Variants in PCDH7 observed in about 807,000 individuals in gnomAD.
PCDH7 encodes the protein protocadherin 7.
A neutral mutation model predicts 58.9 loss-of-function variants in PCDH7; 17 were observed. The ratio of observed to expected loss-of-function variants is 0.29; its 90% CI spans 0.20 to 0.43. The LOEUF (loss-of-function observed/expected upper bound fraction) is 0.43, where lower values mean the gene tolerates loss of function less well. Among genes scored for constraint, PCDH7 ranks in the 20% least tolerant of loss-of-function variants. The probability of loss-of-function intolerance (pLI) is 1.00; values close to 1 mark genes in which losing one functional copy is unlikely to be tolerated. For missense variants in PCDH7, 1,274 were observed against 1,441.0 expected, an observed-to-expected ratio of 0.88 and a Z score of 1.88; for synonymous variants, 664 against 616.4, an observed-to-expected ratio of 1.08 and a Z score of -1.14.
intron 3 of PCDH7, among the ~76,000 whole-genome samples, chr4:31,035,021 T>A (rs949898404): frequency 5.3e-5 from 8 of 152,152 alleles, no homozygotes; most frequent in Admixed American, 3.3e-4. Flanking sequence ...GAATAGAGAA[T>A]CAACAGCTTT....
chr4:30,742,283 A>G lies in PCDH7; in HGVS notation c.70+17687A>G, dbSNP rs372547508. Among the ~76,000 whole-genome samples the G allele has an allele frequency of 7.9e-5, 12 of 152,288 alleles. 1 individual carries two copies. In the East Asian group the frequency reaches 1.5e-3, roughly 20 times the overall value. The stretch of plus-strand genomic sequence containing the variant: ...GCTTAGCCAGACAAATAGTTTAATG[A>G]AGAATTTATGCTTACCATTTCAAAT... On this transcript the variant is annotated intron_variant, in intron 1 of 3. Transcript: ENST00000509759.
intron 3 of PCDH7, among the ~76,000 whole-genome samples, chr4:31,019,348 T>G (rs1753847652): frequency 1.3e-5 from 2 of 152,160 alleles, no homozygotes; most frequent in African/African-American, 4.8e-5. Flanking sequence ...AAATGTTGAT[T>G]AAATTTTACC....
chr4:31,028,212 G>A (rs552708556), intron 3 of PCDH7, among the ~76,000 whole-genome samples: 227 of 152,262 alleles, frequency 1.5e-3, no homozygotes, highest in Admixed American at 1.3e-3. Flanking sequence ...ATGATATGCA[G>A]TGTTATACAC....
chr4:30,757,086 G>A (rs571585283), intron 1 of PCDH7, among the ~76,000 whole-genome samples: 17 of 152,200 alleles, frequency 1.1e-4, no homozygotes, highest in African/African-American at 3.6e-4. Context: ...CTTCCATTGA[G>A]TTACACTCCT....
Position 30,723,759 on chromosome 4 carries a change from G to A in PCDH7, c.2337G>A (p.Leu779=), listed in dbSNP as rs756362709. ...GTGATGATGGCATCAATGCAGACCT[G>A]AACTACAGCATTGTGGGAGGAAATC... is the stretch of plus-strand genomic sequence containing the variant. Residue 779 remains leucine (L), a synonymous_variant, in exon 1 of 2, where the codon CTG becomes CTA. Transcript: ENST00000361762. This position sits in a 1 kb window ranked among gnomAD's most constrained non-coding sequence, Gnocchi z 4.6. 4 of 1,614,136 alleles carry A rather than the reference G, an allele frequency of 2.5e-6. No homozygotes were observed. Among genetic ancestry groups the A allele is most frequent in the Admixed American group, 1.7e-5 (1 of 60,014 alleles).
At chr4:30,886,276 G>GA (rs1273308544) in intron 1 of PCDH7, among the ~76,000 whole-genome samples, 6 of 148,476 alleles carry the variant, frequency 4.0e-5, no homozygotes, top group African/African-American at 1.2e-4. Flanking sequence ...AAATTTACAA[G>GA]AAAAAAACAA....
intron 3 of PCDH7, among the ~76,000 whole-genome samples, chr4:31,012,638 A>C (rs543450071): frequency 6.6e-6 from 1 of 150,766 alleles, no homozygotes; most frequent in African/African-American, 2.4e-5. Context: ...CTTGCCAGAA[A>C]AGTTATTTCT....
At chr4:30,852,681 A>G (rs1732911518) in intron 1 of PCDH7, among the ~76,000 whole-genome samples, 1 of 151,930 alleles carries the variant, frequency 6.6e-6, no homozygotes, top group Non-Finnish European at 1.5e-5. Flanking sequence ...TTATTTAATA[A>G]TATTGTGCCC....
chr4:30,802,725 T>TGTGGTTGA (rs2109307291), intron 1 of PCDH7, among the ~76,000 whole-genome samples: 1 of 150,708 alleles, frequency 6.6e-6, no homozygotes, highest in Admixed American at 6.6e-5. Flanking sequence ...AGGATAAGGG[T>TGTGGTTGA]GGGGATCTGA....
chr4:30,740,678 T>C (rs997215670), intron 1 of PCDH7, among the ~76,000 whole-genome samples: 1 of 152,064 alleles, frequency 6.6e-6, no homozygotes, highest in Non-Finnish European at 1.5e-5. Flanking sequence ...TGTTTTTCTC[T>C]TGAGGTTTTT....
intron 3 of PCDH7, among the ~76,000 whole-genome samples, chr4:31,119,654 AT>A (rs1162988412): frequency 6.6e-6 from 1 of 152,102 alleles, no homozygotes; most frequent in Non-Finnish European, 1.5e-5. Context: ...ATGAGGTTTT[AT>A]ATGTCGGCAT....
intron 1 of PCDH7, among the ~76,000 whole-genome samples, chr4:30,843,107 A>T (rs1731431889): frequency 6.7e-6 from 1 of 150,108 alleles, no homozygotes; most frequent in African/African-American, 2.5e-5. Context: ...GGAACAGTTT[A>T]TAAGTGTCAG....
chr4:30,889,137 C>CAAAAAAAAAAAAAAAAAAAAAAAAAA (rs371917620), intron 1 of PCDH7, among the ~76,000 whole-genome samples: 6 of 49,996 alleles, frequency 1.2e-4, no homozygotes, highest in Middle Eastern at 0.012. Context: ...GCAGATATCT[C>CAAAAAAAAAAAAAAAAAAAAAAAAAA]AAAAAAAAAA....
intron 3 of PCDH7, among the ~76,000 whole-genome samples, chr4:31,040,912 G>GAA (rs528837046): frequency 0.01 from 1,451 of 143,066 alleles, 21 homozygotes; most frequent in African/African-American, 0.035. Context: ...TGTGTGCTGA[G>GAA]AAAAAAAAAA....
chr4:31,117,408 T>C (rs1717133436), intron 3 of PCDH7, among the ~76,000 whole-genome samples: 1 of 152,088 alleles, frequency 6.6e-6, no homozygotes, highest in African/African-American at 2.4e-5. Flanking sequence ...AGTAACACGT[T>C]CAAGACTCCC....
At chr4:30,847,411 T>G (rs1269042903) in intron 1 of PCDH7, among the ~76,000 whole-genome samples, 1 of 152,156 alleles carries the variant, frequency 6.6e-6, no homozygotes, top group Non-Finnish European at 1.5e-5. Flanking sequence ...AACATTTGGC[T>G]GAAACGTCTT....
chr4:30,848,106 C>T (rs1220503305), intron 1 of PCDH7, among the ~76,000 whole-genome samples: 1 of 151,990 alleles, frequency 6.6e-6, no homozygotes, highest in Non-Finnish European at 1.5e-5. Context: ...TATTTGTATA[C>T]ACTATAAGCA....
intron 3 of PCDH7, among the ~76,000 whole-genome samples, chr4:31,117,675 G>A (rs1337580741): frequency 2.6e-5 from 4 of 152,084 alleles, no homozygotes; most frequent in Non-Finnish European, 5.9e-5. Flanking sequence ...TTCCTTGATA[G>A]AATATAATGA....
At chr4:31,047,626 T>C (rs1393028468) in intron 3 of PCDH7, among the ~76,000 whole-genome samples, 1 of 152,116 alleles carries the variant, frequency 6.6e-6, no homozygotes, top group East Asian at 1.9e-4. Flanking sequence ...GTTTTTTGAT[T>C]GATTGGTTGA....
Sources: gnomAD v4.1 joint callset for allele counts (sites outside exome capture counted in the v4.1 genomes callset) on GRCh38, gnomAD v4.1.1 for gene constraint, Gnocchi (gnomAD v3.1) non-coding constraint, MANE v1.5 for transcripts, NCBI Gene and HGNC (gene_info 2026-07-23, HGNC 2026-07-21) for gene names.